Variants in FGF14 observed in about 807,000 individuals in gnomAD.
FGF14 encodes fibroblast growth factor homologous factor 4.
A neutral mutation model predicts 25.5 loss-of-function variants in FGF14; 5 were observed. The observed-to-expected ratio is 0.20, with a 90% CI of 0.10 to 0.41. FGF14 has a LOEUF of 0.41. FGF14 is among the 10% of genes least tolerant of loss of function. The pLI, the probability that FGF14 is intolerant of heterozygous loss-of-function variation, is 1.00. For missense variants in FGF14, 222 were observed against 320.1 expected (o/e 0.69, Z 2.34); for synonymous variants, 138 against 118.3 (o/e 1.17, Z -1.08).
At chr13:101,826,378 A>AC (rs562957058) in intron 3 of FGF14, among the ~76,000 whole-genome samples, 1 of 152,092 alleles carries the variant, frequency 6.6e-6, no homozygotes, top group African/African-American at 2.4e-5. Context: ...CTAAATACCC[A>AC]CATTGACATT....
chr13:101,795,995 T>C (rs538904568), intron 3 of FGF14, among the ~76,000 whole-genome samples: 1 of 152,222 alleles, frequency 6.6e-6, no homozygotes, highest in South Asian at 2.1e-4. Flanking sequence ...TACATGTAGA[T>C]ATTAAATGTA....
chr13:101,784,107 T>C (rs1309919523), intron 3 of FGF14, among the ~76,000 whole-genome samples: 2 of 152,170 alleles, frequency 1.3e-5, no homozygotes, highest in East Asian at 3.9e-4. Context: ...CAGCAGCTTC[T>C]TGATTGATCT....
chr13:102,145,257 T>C (rs2046807796), intron 1 of FGF14, among the ~76,000 whole-genome samples: 1 of 152,198 alleles, frequency 6.6e-6, no homozygotes, highest in Non-Finnish European at 1.5e-5. Flanking sequence ...ATGATTGATT[T>C]AGAAATCGGC....
intron 1 of FGF14, among the ~76,000 whole-genome samples, chr13:102,379,674 T>C (rs1362843372): frequency 6.6e-6 from 1 of 152,150 alleles, no homozygotes; most frequent in East Asian, 1.9e-4. Context: ...CAGGTTCATG[T>C]TAACAAGTCT....
intron 1 of FGF14, among the ~76,000 whole-genome samples, chr13:102,316,681 C>T (rs1428526413): frequency 2.0e-5 from 3 of 152,186 alleles, no homozygotes; most frequent in African/African-American, 7.2e-5. Context: ...CAAATATTGG[C>T]GTGTAGTTTT....
intron 3 of FGF14, among the ~76,000 whole-genome samples, chr13:101,755,879 A>C (rs1262492792): frequency 6.6e-6 from 1 of 152,226 alleles, no homozygotes; most frequent in Non-Finnish European, 1.5e-5. Context: ...CTTTTCAAGA[A>C]CGTCTTCTAT....
intron 1 of FGF14, among the ~76,000 whole-genome samples, chr13:102,107,829 CAGAA>C (rs1348376454): frequency 6.6e-6 from 1 of 152,184 alleles, no homozygotes; most frequent in Non-Finnish European, 1.5e-5. Flanking sequence ...ACTCAGAAAA[CAGAA>C]AGTCATATGG....
intron 1 of FGF14, among the ~76,000 whole-genome samples, chr13:102,078,657 G>C (rs934605530): frequency 6.6e-6 from 1 of 152,164 alleles, no homozygotes; most frequent in Non-Finnish European, 1.5e-5. Context: ...GCTGCAGAGG[G>C]ATGGAAGTTC....
chr13:101,788,180 C>T lies in FGF14; in HGVS notation c.409-61370G>A, dbSNP rs569193226. Among the ~76,000 whole-genome samples, 106 of 152,220 alleles carry T rather than the reference C, an allele frequency of 7.0e-4. 2 individuals carry two copies. The South Asian group carries it at 7.3e-3, about 10-fold the overall frequency. ...AGCCACCACCCCTGCCCCCTGCCCCCTCCTCCACTTTTTTTTTCCTGAAAT... is the reference window on the plus strand; with the variant it reads ...AGCCACCACCCCTGCCCCCTGCCCCTTCCTCCACTTTTTTTTTCCTGAAAT... On this transcript the variant is annotated intron_variant, in intron 3 of 4. Coordinates refer to ENST00000376143, the MANE Select transcript of FGF14 (RefSeq NM_004115.4).
At chr13:101,891,082 T>C (rs2046245258) in intron 1 of FGF14, among the ~76,000 whole-genome samples, 1 of 152,218 alleles carries the variant, frequency 6.6e-6, no homozygotes, top group Non-Finnish European at 1.5e-5. Flanking sequence ...TGCTATTTAT[T>C]TTCACTGTAC....
chr13:102,148,487 T>C (rs1243153679), intron 1 of FGF14, among the ~76,000 whole-genome samples: 2 of 152,308 alleles, frequency 1.3e-5, no homozygotes, highest in East Asian at 3.9e-4. Context: ...AAGCCAAAGT[T>C]TCCTGAGGTT....
intron 3 of FGF14, among the ~76,000 whole-genome samples, chr13:101,818,493 C>G (rs767071627): frequency 3.3e-5 from 5 of 152,150 alleles, no homozygotes; most frequent in Non-Finnish European, 7.3e-5. Context: ...TATATATGTG[C>G]TATAGTCAAC....
At chr13:102,240,767 T>C (rs2051557998) in intron 1 of FGF14, among the ~76,000 whole-genome samples, 1 of 152,082 alleles carries the variant, frequency 6.6e-6, no homozygotes, top group South Asian at 2.1e-4. Context: ...TACCACAGAA[T>C]AACATGTAAA....
intron 1 of FGF14, among the ~76,000 whole-genome samples, chr13:102,301,295 A>C (rs2055038801): frequency 6.6e-6 from 1 of 152,252 alleles, no homozygotes; most frequent in African/African-American, 2.4e-5. Context: ...ATACATATTT[A>C]TATGGAGTTG....
intron 3 of FGF14, among the ~76,000 whole-genome samples, chr13:101,791,577 C>G (rs543445761): frequency 4.2e-4 from 64 of 152,192 alleles, no homozygotes; most frequent in African/African-American, 1.4e-3. Context: ...TCCTTACAAG[C>G]AAGGAGATTA....
intron 1 of FGF14, among the ~76,000 whole-genome samples, chr13:102,230,087 G>A (rs571835964): frequency 2.0e-5 from 3 of 152,236 alleles, no homozygotes; most frequent in African/African-American, 7.2e-5. Flanking sequence ...GGGTCAAGAG[G>A]GCAGAGCCCT....
Position 101,916,655 on chromosome 13 carries a change from G to A in FGF14, c.-10C>T, listed in dbSNP as rs568733534. 35 of 1,539,644 alleles carry A rather than the reference G, an allele frequency of 2.3e-5. No homozygotes were observed. In the East Asian group the frequency reaches 6.3e-4, roughly 28 times the overall value. On this transcript the variant is annotated 5_prime_UTR_variant, in exon 1 of 5. Coordinates refer to ENST00000376143, the MANE Select transcript of FGF14 (RefSeq NM_004115.4). ...CGATGGCCGCGGCCATGGTGGCCCC[G>A]GGAACGGGTCCGGGGAGGGAGGGCG...
intron 1 of FGF14, among the ~76,000 whole-genome samples, chr13:102,034,739 C>T (rs1392858462): frequency 2.2e-4 from 34 of 152,094 alleles, no homozygotes; most frequent in Non-Finnish European, 2.9e-5. Flanking sequence ...CTGGTCCTGC[C>T]CCTCACAGGG....
At chr13:102,098,763 C>T (rs1017877519) in intron 1 of FGF14, among the ~76,000 whole-genome samples, 35 of 152,128 alleles carry the variant, frequency 2.3e-4, no homozygotes, top group Admixed American at 1.5e-3. Flanking sequence ...TTGACTAGTG[C>T]GCTTTTAGGA....
Sources: allele counts gnomAD v4.1 joint callset (sites outside exome capture counted in the v4.1 genomes callset), GRCh38; gene constraint gnomAD v4.1.1; transcripts MANE v1.5; gene names NCBI Gene and HGNC (gene_info 2026-07-23, HGNC 2026-07-21).